The following DCAF13 variants were observed in gnomAD, a reference collection of about 807,000 sequenced individuals.
DCAF13 encodes the protein DDB1- and CUL4-associated factor 13.
A neutral mutation model predicts 59.0 loss-of-function variants in DCAF13; 38 were observed. The ratio of observed to expected loss-of-function variants is 0.64; its 90% CI spans 0.50 to 0.84. DCAF13 has a LOEUF of 0.84. Among genes scored for constraint, DCAF13 ranks in the 40% least tolerant of loss-of-function variants. The pLI, the probability that DCAF13 is intolerant of heterozygous loss-of-function variation, is 0.00. For missense variants in DCAF13, 469 were observed against 558.4 expected, an observed-to-expected ratio of 0.84 and a Z score of 1.61; for synonymous variants, 173 against 175.0, an observed-to-expected ratio of 0.99 and a Z score of 0.09.
At chr8:103,441,286 T>G (rs1328967856) in intron 9 of DCAF13, 169 bp from the exon 10 acceptor site, 1 of 551,348 alleles carries the variant, frequency 1.8e-6, no homozygotes, top group African/African-American at 2.0e-5. Context: ...ATTCAGTGCT[T>G]GCAGAGCTAG....
chr8:103,430,726 G>C (rs369512477), intron 6 of DCAF13, 37 bp downstream of exon 6: 14 of 1,453,168 alleles, frequency 9.6e-6, no homozygotes, highest in Non-Finnish European at 1.2e-5. Flanking sequence ...TATACAGTTG[G>C]CATTATATAT....
intron 3 of DCAF13, among the ~76,000 whole-genome samples, chr8:103,422,829 G>C (rs1014268918): frequency 1.3e-5 from 2 of 152,100 alleles, no homozygotes; most frequent in South Asian, 2.1e-4. Context: ...AGGTTGGCTG[G>C]GTGCAGAAGC....
At chr8:103,431,426 T>C (rs1816863291) in intron 6 of DCAF13, among the ~76,000 whole-genome samples, 1 of 152,224 alleles carries the variant, frequency 6.6e-6, no homozygotes, top group South Asian at 2.1e-4. Flanking sequence ...AGAAATGCTT[T>C]TAATACTTGC....
At position 103,442,975 on chromosome 8, in the gene DCAF13, A is replaced by G. The variant is rs1414784021; in HGVS notation, c.*93A>G. 2 of 853,786 alleles carry G rather than the reference A, an allele frequency of 2.3e-6. No individual in the cohort carries two copies. The highest frequency in any genetic ancestry group is 3.6e-6 in the Non-Finnish European group (2 of 557,142). The allele number at this position is 853,786 out of a possible 1,614,324, so 52.9% of individuals were successfully genotyped here. A position where few individuals can be genotyped will look rare whatever the true frequency, so the allele number is the denominator to read the frequency against. On this transcript the variant is annotated 3_prime_UTR_variant, in exon 11 of 11. Coordinates refer to ENST00000612750, the MANE Select transcript of DCAF13 (RefSeq NM_015420.7). ...AGTGCTGGGACTAGATTAATTGCAA[A>G]CATTTTAGTTATATGTGTAGAGCTT...
intron 10 of DCAF13, 163 bp downstream of exon 10, chr8:103,441,781 CT>C (rs59392618): frequency 0.11 from 51,837 of 492,854 alleles, no homozygotes; most frequent in South Asian, 0.13. Flanking sequence ...TTTCTTTTTT[CT>C]TTTTTTTTTT....
Position 103,421,064 on chromosome 8 carries a change from T to G in DCAF13, c.360T>G (p.Cys120Trp). 1 of 1,610,076 alleles carries G rather than the reference T, an allele frequency of 6.2e-7. No homozygotes were observed. The highest frequency in any genetic ancestry group is 8.5e-7 in the Non-Finnish European group (1 of 1,176,406). The change falls in exon 3 of 11, where the codon TGT (cysteine) becomes TGG (tryptophan). Residue 120 changes from cysteine (C) to tryptophan (W), a missense_variant. By Grantham distance (215) the Cys-to-Trp change is radical. Coordinates refer to ENST00000612750, the MANE Select transcript of DCAF13 (RefSeq NM_015420.7). ...GFVRGICTRF[C>W]GTSFFTVGDD... is the part of the protein sequence containing the mutation. ...TACGAGGAATATGTACTCGCTTTTG[T>G]GGGACTTCTTTTTTCACTGTAAGTA...
intron 9 of DCAF13, 26 bp downstream of exon 9, chr8:103,440,297 G>A: frequency 6.6e-7 from 1 of 1,522,084 alleles, no homozygotes; most frequent in African/African-American, 1.4e-5. Context: ...TTCTTTCATT[G>A]TCATAAAGCT....
rs755563560 is a variant in DCAF13 at position 103,442,817 on chromosome 8, A to T, written c.1273A>T (p.Ser425Cys). Residue 425 changes from serine to cysteine, a missense_variant, in exon 11 of 11, where the codon AGC (serine) becomes TGC (cysteine). Coordinates refer to ENST00000612750, the MANE Select transcript of DCAF13 (RefSeq NM_015420.7). ...RRKEVNRIKH[S>C]KPGSVPLVSE... The stretch of plus-strand genomic sequence containing the variant: ...TAGGGAAGTGAATCGTATTAAACAC[A>T]GCAAGCCTGGATCTGTGCCACTTGT... 1.4e-5 allele frequency: 22 copies of T among 1,605,454 alleles called. No homozygotes were observed. The Admixed American group carries it at 3.8e-4, about 28-fold the overall frequency.
At chr8:103,429,748 A>T (rs1816836406) in intron 5 of DCAF13, 1 of 152,256 alleles carries the variant, frequency 6.6e-6, no homozygotes, top group Non-Finnish European at 1.5e-5. Context: ...AAATACTGTC[A>T]TACAGATATT....
chr8:103,439,138 G>A (rs1437216369), intron 8 of DCAF13, among the ~76,000 whole-genome samples: 1 of 152,042 alleles, frequency 6.6e-6, no homozygotes, highest in Non-Finnish European at 1.5e-5. Flanking sequence ...CCAAGTAGCT[G>A]GGACTACAGG....
chr8:103,425,097 A>G (rs1334754487), intron 3 of DCAF13, among the ~76,000 whole-genome samples: 19 of 152,224 alleles, frequency 1.2e-4, no homozygotes, highest in Admixed American at 1.1e-3. Flanking sequence ...TTGCTGTAAG[A>G]AAAGAGCTAC....
intron 8 of DCAF13, among the ~76,000 whole-genome samples, chr8:103,436,521 T>C (rs962472844): frequency 1.3e-5 from 2 of 152,154 alleles, no homozygotes; most frequent in African/African-American, 4.8e-5. Context: ...TATTGTGTTT[T>C]GTATAGTTTG....
At chr8:103,420,827 C>G in intron 2 of DCAF13, 148 bp from the exon 3 acceptor site, 1 of 619,790 alleles carries the variant, frequency 1.6e-6, no homozygotes, top group Non-Finnish European at 2.8e-6. Context: ...CATCAGTATA[C>G]TTATCCATAT....
rs758162838 is a variant in DCAF13 at position 103,415,553 on chromosome 8, G to T, written c.70+37G>T. 2.6e-6 allele frequency: 4 copies of T among 1,565,270 alleles called. No homozygotes were observed. The African/African-American group carries it at 5.4e-5, about 21-fold the overall frequency. ...TGGTAGGGAGAAAGGGACGGTTTCC[G>T]CAAGTCGTTGGGTCTAGCCTCGGCT... On this transcript the variant is annotated intron_variant, in intron 1 of 10. Transcript: ENST00000612750.
intron 3 of DCAF13, among the ~76,000 whole-genome samples, chr8:103,425,735 A>G (rs527281758): frequency 6.6e-6 from 1 of 152,168 alleles, no homozygotes; most frequent in Non-Finnish European, 1.5e-5. Flanking sequence ...GACTAACCAG[A>G]TATTATAATA....
chr8:103,429,733 C>T (rs2130487241), intron 5 of DCAF13: 1 of 152,202 alleles, frequency 6.6e-6, no homozygotes, highest in Middle Eastern at 3.4e-3. Flanking sequence ...ATTTATATAG[C>T]TAGGAAATAC....
intron 2 of DCAF13, 186 bp downstream of exon 2, chr8:103,420,649 T>A: frequency 1.6e-6 from 1 of 615,272 alleles, no homozygotes; most frequent in Non-Finnish European, 2.8e-6. Context: ...ATGCAGTAGT[T>A]TAAGGATCAA....
At chr8:103,423,492 C>G (rs1032254959) in intron 3 of DCAF13, among the ~76,000 whole-genome samples, 11 of 152,042 alleles carry the variant, frequency 7.2e-5, no homozygotes, top group Admixed American at 4.6e-4. Flanking sequence ...CTAAAAAAGC[C>G]AAACTCTTAG....
intron 1 of DCAF13, among the ~76,000 whole-genome samples, chr8:103,418,114 C>T (rs1816650991): frequency 6.8e-6 from 1 of 147,716 alleles, no homozygotes; most frequent in Non-Finnish European, 1.5e-5. Context: ...GGCAACAGAG[C>T]AAGACTCCGT....
Sources: gnomAD v4.1 joint callset for allele counts (sites outside exome capture counted in the v4.1 genomes callset) on GRCh38, gnomAD v4.1.1 for gene constraint, MANE v1.5 for transcripts, NCBI Gene and HGNC (gene_info 2026-07-23, HGNC 2026-07-21) for gene names.